POLR3B: variants seen among roughly 807,000 people sequenced by gnomAD.
The protein encoded by POLR3B is DNA-directed RNA polymerase III subunit RPC2.
In POLR3B, 96 loss-of-function variants were observed where a neutral mutation model predicts 147.4. The observed-to-expected ratio is 0.65, with a 90% CI of 0.55 to 0.77. POLR3B has a LOEUF of 0.77. POLR3B is among the 30% of genes least tolerant of loss of function. POLR3B has a pLI of 0.00. For synonymous variants in POLR3B, 461 were observed against 485.9 expected (o/e 0.95, Z 0.67); for missense variants, 1,036 against 1,413.5 (o/e 0.73, Z 4.28).
At chr12:106,477,804 A>T (rs1229481237) in intron 23 of POLR3B, among the ~76,000 whole-genome samples, 1 of 151,104 alleles carries the variant, frequency 6.6e-6, no homozygotes, top group Non-Finnish European at 1.5e-5. Flanking sequence ...TCAGATGGAA[A>T]TGCAGAAATC....
intron 18 of POLR3B, among the ~76,000 whole-genome samples, chr12:106,442,877 A>G (rs1048390606): frequency 6.6e-6 from 1 of 152,164 alleles, no homozygotes; most frequent in African/African-American, 2.4e-5. Context: ...ACTCTTTCCT[A>G]TTAACACATC....
intron 9 of POLR3B, among the ~76,000 whole-genome samples, chr12:106,387,636 T>C (rs2036858768): frequency 6.6e-6 from 1 of 152,208 alleles, no homozygotes; most frequent in Admixed American, 6.5e-5. Flanking sequence ...AATAAATTGA[T>C]GGGAATTTGT....
At position 106,509,831 on chromosome 12, in the gene POLR3B, T is replaced by C. The variant is rs1477589360; in HGVS notation, c.*282T>C. On this transcript the variant is annotated 3_prime_UTR_variant, in exon 28 of 28. Transcript: ENST00000228347. ...TAAAGGATAAATAAGCTATTACTTA[T>C]GTGCTGATCTCTTGACATTCACTCA... is the stretch of plus-strand genomic sequence containing the variant. The C allele has an allele frequency of 1.1e-5, 4 of 358,422 alleles. No individual in the cohort carries two copies. The highest frequency in any genetic ancestry group is 7.4e-5 in the South Asian group (3 of 40,720). The allele number at this position is 358,422 out of a possible 1,614,324, so 22.2% of individuals were successfully genotyped here. A position where few individuals can be genotyped will look rare whatever the true frequency, so the allele number is the denominator to read the frequency against.
intron 23 of POLR3B, among the ~76,000 whole-genome samples, chr12:106,467,557 T>G (rs2038023795): frequency 1.3e-5 from 2 of 152,202 alleles, no homozygotes; most frequent in Admixed American, 1.3e-4. Context: ...GCTTCCAGTT[T>G]TTGCCCATTC....
intron 5 of POLR3B, 44 bp downstream of exon 5, chr12:106,369,394 C>G: frequency 9.0e-7 from 1 of 1,114,312 alleles, no homozygotes; most frequent in Non-Finnish European, 1.4e-6. Flanking sequence ...TGCTTTAACT[C>G]AGAGTCTGCC....
chr12:106,507,366 A>C (rs370617854), intron 27 of POLR3B, among the ~76,000 whole-genome samples: 1 of 152,202 alleles, frequency 6.6e-6, no homozygotes, highest in Non-Finnish European at 1.5e-5. Context: ...AATAATAGAG[A>C]AGATTAAAGG....
chr12:106,458,257 G>T (rs1214637866), intron 21 of POLR3B, among the ~76,000 whole-genome samples: 1 of 151,940 alleles, frequency 6.6e-6, no homozygotes, highest in Non-Finnish European at 1.5e-5. Flanking sequence ...GTATAGCTGG[G>T]ACCCATAGGC....
At chr12:106,399,892 A>G (rs2037037838) in intron 10 of POLR3B, among the ~76,000 whole-genome samples, 1 of 152,232 alleles carries the variant, frequency 6.6e-6, no homozygotes, top group African/African-American at 2.4e-5. Context: ...GCCAAATTGT[A>G]AAGACTGTCA....
intron 17 of POLR3B, 60 bp from the exon 18 acceptor site, chr12:106,437,621 A>G: frequency 2.2e-6 from 2 of 914,100 alleles, no homozygotes; most frequent in South Asian, 1.4e-5. Context: ...TCCTGTTATT[A>G]TATAAAATAC....
At chr12:106,385,282 A>G (rs1441605871) in intron 9 of POLR3B, among the ~76,000 whole-genome samples, 3 of 152,218 alleles carry the variant, frequency 2.0e-5, no homozygotes. Flanking sequence ...CAGCAACTTT[A>G]TAGAACATAA....
At position 106,410,832 on chromosome 12, in the gene POLR3B, G is replaced by T. The variant is rs756111014; in HGVS notation, c.973G>T (p.Glu325Ter). Reference sequence around the variant, plus strand: ...TCCAATTTCTGACTTACAGGTTAAGGAATTCAATTTCCGAGCCAAATGTAT... The same window carrying T: ...TCCAATTTCTGACTTACAGGTTAAGTAATTCAATTTCCGAGCCAAATGTAT... ...STILTHVPVK[E>*]FNFRAKCIYT... Residue 325 changes from glutamate (E) to a stop codon, truncating the protein, a stop_gained, in exon 12 of 28, where the codon GAA becomes TAA. Transcript: ENST00000228347. LOFTEE classifies it high-confidence loss of function. 1 of 1,613,802 alleles carries T rather than the reference G, an allele frequency of 6.2e-7. No individual in the cohort carries two copies. The highest frequency in any genetic ancestry group is 1.1e-5 in the South Asian group (1 of 91,064).
chr12:106,414,584 G>A (rs1172776929), intron 12 of POLR3B, among the ~76,000 whole-genome samples: 1 of 152,026 alleles, frequency 6.6e-6, no homozygotes, highest in African/African-American at 2.4e-5. Flanking sequence ...TTTATTCTCA[G>A]GGCAACTCTG....
chr12:106,498,981 A>G (rs2038549301), intron 25 of POLR3B, among the ~76,000 whole-genome samples: 1 of 152,240 alleles, frequency 6.6e-6, no homozygotes. Context: ...TCCAGATGTG[A>G]TTGAAATTGT....
rs578141351 is a variant in POLR3B at position 106,447,808 on chromosome 12, C to G, written c.2083+3218C>G. Among the ~76,000 whole-genome samples, 19 of 152,332 alleles carry G rather than the reference C, an allele frequency of 1.2e-4. 1 individual carries two copies. The highest frequency in any genetic ancestry group is 4.3e-4 in the African/African-American group (18 of 41,580). On this transcript the variant is annotated intron_variant, in intron 19 of 27. Transcript: ENST00000228347. The stretch of plus-strand genomic sequence containing the variant: ...AGTGGCTTCTTCTCACTACCCCTTC[C>G]TGCTTCAACTTCAAACTACTGGGAC...
Position 106,459,330 on chromosome 12 carries a change from T to C in POLR3B, c.2532T>C (p.Asn844=), listed in dbSNP as rs764952250. The C allele has an allele frequency of 6.3e-7, 1 of 1,598,796 alleles. No homozygotes were observed. Among genetic ancestry groups the C allele is most frequent in the Admixed American group, 1.7e-5 (1 of 59,964 alleles). The change falls in exon 22 of 28, where the codon AAT becomes AAC. Residue 844 remains asparagine, a synonymous_variant. Transcript: ENST00000228347. Reference sequence around the variant, plus strand: ...CTCAGATTCCTTTGGAAGGAAGTAATGTACCACAGCAACCACAGTACAAAG... The same window carrying C: ...CTCAGATTCCTTTGGAAGGAAGTAACGTACCACAGCAACCACAGTACAAAG... ...TVTQIPLEGS[N]VPQQPQYKDV...
intron 1 of POLR3B, among the ~76,000 whole-genome samples, chr12:106,363,125 A>G (rs2136878414): frequency 6.6e-6 from 1 of 151,776 alleles, no homozygotes; most frequent in South Asian, 2.1e-4. Context: ...ACTTTGTGGA[A>G]CTCTTCTCCA....
intron 14 of POLR3B, among the ~76,000 whole-genome samples, chr12:106,430,680 A>G (rs906136339): frequency 2.0e-5 from 3 of 152,220 alleles, no homozygotes; most frequent in Non-Finnish European, 2.9e-5. Context: ...CATTTGATTC[A>G]GTATGTTAGC....
Position 106,494,062 on chromosome 12 carries a change from A to G in POLR3B, c.2714-1993A>G, listed in dbSNP as rs924643238. Among the ~76,000 whole-genome samples the G allele has an allele frequency of 4.6e-5, 7 of 152,192 alleles. No individual in the cohort carries two copies. The East Asian group carries it at 5.8e-4, about 13-fold the overall frequency. On this transcript the variant is annotated intron_variant, in intron 23 of 27. Coordinates refer to ENST00000228347, the MANE Select transcript of POLR3B (RefSeq NM_018082.6). The stretch of plus-strand genomic sequence containing the variant: ...TCAGAAGAGGGCTGATAAGAAAACA[A>G]CTTCCCCAGAAGGAAGCTCTGCACT...
intron 25 of POLR3B, among the ~76,000 whole-genome samples, chr12:106,498,590 T>C (rs570062411): frequency 6.6e-6 from 1 of 151,868 alleles, no homozygotes; most frequent in East Asian, 1.9e-4. Context: ...TTGTTTTTTT[T>C]GTTTTTTTGA....
Sources: gnomAD v4.1 joint callset for allele counts (sites outside exome capture counted in the v4.1 genomes callset) on GRCh38, gnomAD v4.1.1 for gene constraint, MANE v1.5 for transcripts, NCBI Gene and HGNC (gene_info 2026-07-23, HGNC 2026-07-21) for gene names.